The following NMNAT1 variants were observed in gnomAD, a reference collection of about 807,000 sequenced individuals.
NMNAT1 encodes the protein nicotinamide/nicotinic acid mononucleotide adenylyltransferase 1.
Under a neutral mutation model 16.7 loss-of-function variants are expected in NMNAT1, and 11 were observed. The ratio of observed to expected loss-of-function variants is 0.66; its 90% CI spans 0.41 to 1.09. NMNAT1 has a LOEUF of 1.09. Among genes scored for constraint, NMNAT1 ranks in the 50% least tolerant of loss-of-function variants. The pLI is 0.00. For synonymous variants in NMNAT1, 110 were observed against 119.8 expected (o/e 0.92, Z 0.53); for missense variants, 280 against 332.3 (o/e 0.84, Z 1.22).
At chr1:9,943,982 C>T (rs1383249601) in intron 1 of NMNAT1, among the ~76,000 whole-genome samples, 3 of 152,216 alleles carry the variant, frequency 2.0e-5, no homozygotes, top group Non-Finnish European at 4.4e-5. Flanking sequence ...TGGACGGGCG[C>T]GGTGGCTCAC....
At chr1:9,956,858 A>G (rs533892441) in intron 1 of NMNAT1, among the ~76,000 whole-genome samples, 15 of 149,828 alleles carry the variant, frequency 1.0e-4, no homozygotes, top group African/African-American at 3.7e-4. Flanking sequence ...CAGCCTCCTC[A>G]GTATCTAGGA....
downstream of NMNAT1, among the ~76,000 whole-genome samples, chr1:9,989,559 G>C (rs553326067): frequency 6.6e-6 from 1 of 152,230 alleles, no homozygotes; most frequent in African/African-American, 2.4e-5. Context: ...CAGAGGGACA[G>C]CTTCATGGTG....
chr1:9,985,777 T>C (rs192785011), downstream of NMNAT1, among the ~76,000 whole-genome samples: 3 of 152,248 alleles, frequency 2.0e-5, no homozygotes, highest in East Asian at 5.8e-4. Context: ...ATTCTCCTGC[T>C]TCAGCCTCCC....
At chr1:9,969,514 G>C (rs973617700) in intron 1 of NMNAT1, among the ~76,000 whole-genome samples, 1 of 152,146 alleles carries the variant, frequency 6.6e-6, no homozygotes, top group African/African-American at 2.4e-5. Flanking sequence ...GTTCATGGGC[G>C]GCTGAGGTGG....
intron 3 of NMNAT1, among the ~76,000 whole-genome samples, chr1:9,977,126 T>C (rs1348915676): frequency 6.6e-6 from 1 of 152,286 alleles, no homozygotes; most frequent in Admixed American, 6.5e-5. Context: ...AGGCTGGTCT[T>C]GAACTCCTGA....
chr1:9,993,292 G>C, the NMNAT1 span, among the ~76,000 whole-genome samples: 1,074 of 152,058 alleles, frequency 7.1e-3, 6 homozygotes, highest in Non-Finnish European at 0.011. Flanking sequence ...CAGCCTGACC[G>C]ATACGGTGAA....
chr1:9,960,271 C>G (rs1338776067), intron 1 of NMNAT1, among the ~76,000 whole-genome samples: 1 of 151,708 alleles, frequency 6.6e-6, no homozygotes, highest in Non-Finnish European at 1.5e-5. Flanking sequence ...GGCAACAGAG[C>G]GATACCCTAT....
chr1:9,953,278 CTT>C (rs35129856), intron 1 of NMNAT1, among the ~76,000 whole-genome samples: 52 of 122,700 alleles, frequency 4.2e-4, no homozygotes, highest in African/African-American at 9.8e-4. Context: ...TGTGCGCGGG[CTT>C]TTTTTTTTTT....
chr1:9,974,217 A>ATT (rs771816085), intron 2 of NMNAT1, among the ~76,000 whole-genome samples: 14 of 142,698 alleles, frequency 9.8e-5, no homozygotes, highest in Middle Eastern at 3.7e-3. Flanking sequence ...GTATACACAG[A>ATT]TTTTTTTTTT....
intron 1 of NMNAT1, among the ~76,000 whole-genome samples, chr1:9,955,419 A>AAAAG (rs1557459288): frequency 2.0e-5 from 3 of 150,584 alleles, no homozygotes; most frequent in South Asian, 2.1e-4. Flanking sequence ...AAAAAAAAAA[A>AAAAG]AAAGAAAGAA....
chr1:9,991,902 A>G, the NMNAT1 span, among the ~76,000 whole-genome samples: 1 of 151,818 alleles, frequency 6.6e-6, no homozygotes, highest in Admixed American at 6.6e-5. Flanking sequence ...AAGACGAAAA[A>G]AAAAAGCAAC....
chr1:9,964,006 C>T (rs998658437), intron 1 of NMNAT1, among the ~76,000 whole-genome samples: 1 of 151,864 alleles, frequency 6.6e-6, no homozygotes, highest in South Asian at 2.1e-4. Flanking sequence ...ATTCTTGTGC[C>T]TCAGCCTCCC....
chr1:9,952,479 C>T (rs934746302), intron 1 of NMNAT1: 4 of 152,098 alleles, frequency 2.6e-5, no homozygotes, highest in African/African-American at 7.2e-5. Context: ...CCTAAAAAGA[C>T]AGAGGAACAG....
At chr1:9,994,770 C>T in the NMNAT1 span, among the ~76,000 whole-genome samples, 1 of 152,012 alleles carries the variant, frequency 6.6e-6, no homozygotes, top group Non-Finnish European at 1.5e-5. Context: ...CGCCACCACG[C>T]CCGGCTAATT....
downstream of NMNAT1, among the ~76,000 whole-genome samples, chr1:9,987,420 C>T (rs1185924090): frequency 6.6e-6 from 1 of 151,950 alleles, no homozygotes; most frequent in African/African-American, 2.4e-5. Context: ...GAGGGCAGAT[C>T]ACAAGGTCAG....
At chr1:9,956,525 G>A (rs1356487084) in intron 1 of NMNAT1, among the ~76,000 whole-genome samples, 1 of 148,736 alleles carries the variant, frequency 6.7e-6, no homozygotes, top group Non-Finnish European at 1.5e-5. Flanking sequence ...GGGTTCAAGC[G>A]ATTCTCATGC....
downstream of NMNAT1, among the ~76,000 whole-genome samples, chr1:9,986,426 C>A (rs1300401600): frequency 6.6e-6 from 1 of 152,180 alleles, no homozygotes; most frequent in South Asian, 2.1e-4. Flanking sequence ...ACAAGTATAT[C>A]AGCTAGCGCC....
chr1:9,953,633 G>C, intron 1 of NMNAT1, among the ~76,000 whole-genome samples: 1 of 151,684 alleles, frequency 6.6e-6, no homozygotes, highest in Admixed American at 6.6e-5. Context: ...TAGAGACAGA[G>C]TTTCACCATG....
intron 1 of NMNAT1, among the ~76,000 whole-genome samples, chr1:9,957,401 A>T (rs1641289985): frequency 6.8e-6 from 1 of 147,544 alleles, no homozygotes; most frequent in Admixed American, 6.8e-5. Flanking sequence ...GCTCACTGTA[A>T]CCTCCACCTC....
Sources: gnomAD v4.1 joint callset for allele counts (sites outside exome capture counted in the v4.1 genomes callset) on GRCh38, gnomAD v4.1.1 for gene constraint, MANE v1.5 for transcripts, NCBI Gene and HGNC (gene_info 2026-07-23, HGNC 2026-07-21) for gene names.